The following MECOM variants were observed in gnomAD, a reference collection of about 807,000 sequenced individuals.
MECOM encodes the protein MDS1 and EVI1 complex locus.
Under a neutral mutation model 116.3 loss-of-function variants are expected in MECOM, and 13 were observed. That is an observed-to-expected ratio of 0.11 (90% CI 0.07 to 0.18). MECOM has a LOEUF of 0.18. MECOM is among the 10% of genes least tolerant of loss of function. MECOM has a pLI of 1.00. For missense variants in MECOM, 1,299 were observed against 1,509.0 expected, an observed-to-expected ratio of 0.86 and a Z score of 2.31; for synonymous variants, 528 against 535.2, an observed-to-expected ratio of 0.99 and a Z score of 0.19.
chr3:169,503,231 T>C (rs1016703841), intron 1 of MECOM, among the ~76,000 whole-genome samples: 1 of 152,172 alleles, frequency 6.6e-6, no homozygotes, highest in Non-Finnish European at 1.5e-5. Flanking sequence ...GTGCATACCA[T>C]ATATAATCTC....
intron 2 of MECOM, among the ~76,000 whole-genome samples, chr3:169,230,963 T>C (rs1470184836): frequency 6.6e-6 from 1 of 152,180 alleles, no homozygotes; most frequent in Non-Finnish European, 1.5e-5. Flanking sequence ...CTTTCACTTT[T>C]ATTAACTTGC....
Position 169,321,988 on chromosome 3 carries a change from T to C in MECOM, c.375+59199A>G, listed in dbSNP as rs143948335. On this transcript the variant is annotated intron_variant, in intron 2 of 16. Transcript: ENST00000651503. ...GCTGTCCTTCCAGAGCTGGGATTATTAAAGGACACACAGTTTCTCCATGTA... is the reference window on the plus strand; with the variant it reads ...GCTGTCCTTCCAGAGCTGGGATTATCAAAGGACACACAGTTTCTCCATGTA... 4.7e-3 allele frequency among the ~76,000 whole-genome samples: 722 copies of C among 152,344 alleles called. 5 individuals carry two copies. Among genetic ancestry groups the C allele is most frequent in the African/African-American group, 0.016 (670 of 41,568 alleles).
At chr3:169,618,207 T>C (rs1160956665) in intron 1 of MECOM, among the ~76,000 whole-genome samples, 1 of 152,192 alleles carries the variant, frequency 6.6e-6, no homozygotes, top group Admixed American at 6.5e-5. Context: ...AAGTGACTTG[T>C]CTAAGAAGGC....
At chr3:169,465,280 C>T (rs993047058) in intron 1 of MECOM, among the ~76,000 whole-genome samples, 1 of 152,264 alleles carries the variant, frequency 6.6e-6, no homozygotes, top group Admixed American at 6.5e-5. Context: ...GTTACTTAAC[C>T]TCTCTGTGCT....
intron 1 of MECOM, among the ~76,000 whole-genome samples, chr3:169,572,721 C>A (rs7632404): frequency 0.17 from 25,561 of 151,894 alleles, 2,503 homozygotes; most frequent in East Asian, 0.37. Flanking sequence ...CAAAATAACA[C>A]AGGAACAGAA....
intron 1 of MECOM, among the ~76,000 whole-genome samples, chr3:169,653,981 G>T (rs1411099286): frequency 6.6e-6 from 1 of 152,150 alleles, no homozygotes; most frequent in Admixed American, 6.5e-5. Context: ...TTCAGCATCA[G>T]GTATAAAGAT....
intron 1 of MECOM, among the ~76,000 whole-genome samples, chr3:169,451,397 C>A (rs1329210352): frequency 6.6e-6 from 1 of 152,132 alleles, no homozygotes; most frequent in Non-Finnish European, 1.5e-5. Context: ...AAAATATTAA[C>A]CATCTTAGCT....
intron 1 of MECOM, among the ~76,000 whole-genome samples, chr3:169,480,812 T>C (rs114694940): frequency 1.3e-5 from 2 of 152,218 alleles, no homozygotes; most frequent in African/African-American, 4.8e-5. Context: ...TGGATGTGTG[T>C]TTTTTGCTGC....
At chr3:169,484,654 G>A (rs1442883787) in intron 1 of MECOM, among the ~76,000 whole-genome samples, 1 of 152,158 alleles carries the variant, frequency 6.6e-6, no homozygotes, top group African/African-American at 2.4e-5. Context: ...TTCAGGGATT[G>A]AGACATCTCA....
chr3:169,337,097 T>C (rs1301784953), intron 2 of MECOM, among the ~76,000 whole-genome samples: 1 of 152,212 alleles, frequency 6.6e-6, no homozygotes, highest in Non-Finnish European at 1.5e-5. Context: ...AGATTTATCA[T>C]CTATGGAAAA....
chr3:169,561,667 A>G (rs1762649571), intron 1 of MECOM, among the ~76,000 whole-genome samples: 1 of 152,180 alleles, frequency 6.6e-6, no homozygotes, highest in African/African-American at 2.4e-5. Context: ...TTGTGAATCC[A>G]GAGGACCTAA....
At chr3:169,573,892 C>A (rs1764204268) in intron 1 of MECOM, among the ~76,000 whole-genome samples, 1 of 152,080 alleles carries the variant, frequency 6.6e-6, no homozygotes, top group African/African-American at 2.4e-5. Flanking sequence ...GCTGCATGTT[C>A]TGCATTTTTT....
chr3:169,525,837 T>C (rs1005713603), intron 1 of MECOM, among the ~76,000 whole-genome samples: 1 of 152,144 alleles, frequency 6.6e-6, no homozygotes, highest in East Asian at 1.9e-4. Context: ...GAGACCAGCC[T>C]GGCCAACATG....
chr3:169,646,661 T>C lies in MECOM; in HGVS notation c.37+16675A>G, dbSNP rs1477544303. ...CAAGTATTGTACAAAAAAAAAAAAT[T>C]AGAAAGTTGTAGCTAGCTTTCCTTG... On this transcript the variant is annotated intron_variant, in intron 1 of 16. Transcript: ENST00000651503. 2.0e-5 allele frequency among the ~76,000 whole-genome samples: 3 copies of C among 152,110 alleles called. No individual in the cohort carries two copies. In the East Asian group the frequency reaches 5.8e-4, roughly 29 times the overall value.
intron 13 of MECOM, among the ~76,000 whole-genome samples, chr3:169,094,752 C>G (rs974429293): frequency 3.3e-5 from 5 of 152,180 alleles, no homozygotes; most frequent in Non-Finnish European, 7.4e-5. Context: ...ACATTCTGTG[C>G]CAACAGGTGA....
chr3:169,443,669 T>C (rs910129988), intron 1 of MECOM, among the ~76,000 whole-genome samples: 1 of 152,250 alleles, frequency 6.6e-6, no homozygotes, highest in Non-Finnish European at 1.5e-5. Flanking sequence ...TTCTTCATTA[T>C]CCTGTTTGAA....
intron 1 of MECOM, among the ~76,000 whole-genome samples, chr3:169,492,078 T>C (rs1376193385): frequency 6.6e-6 from 1 of 152,224 alleles, no homozygotes; most frequent in Non-Finnish European, 1.5e-5. Context: ...TTGTCTTCAA[T>C]TCTGCTCAGC....
intron 1 of MECOM, among the ~76,000 whole-genome samples, chr3:169,605,101 G>C (rs6771699): frequency 0.53 from 80,804 of 151,930 alleles, 22,609 homozygotes; most frequent in East Asian, 0.74. Context: ...CTGAGTGGGA[G>C]GTTTAGTCAA....
At chr3:169,266,903 A>C (rs1758382172) in intron 2 of MECOM, among the ~76,000 whole-genome samples, 1 of 152,056 alleles carries the variant, frequency 6.6e-6, no homozygotes, top group Non-Finnish European at 1.5e-5. Flanking sequence ...AAAGGAAGGA[A>C]GGAAAGAAAA....
Sources: allele counts gnomAD v4.1 joint callset (sites outside exome capture counted in the v4.1 genomes callset), GRCh38; gene constraint gnomAD v4.1.1; transcripts MANE v1.5; gene names NCBI Gene and HGNC (gene_info 2026-07-23, HGNC 2026-07-21).